The following GIMAP6 variants were observed in gnomAD, a reference collection of about 807,000 sequenced individuals.
The protein encoded by GIMAP6 is GTPase IMAP family member 6.
In GIMAP6, 6 loss-of-function variants were observed where a neutral mutation model predicts 9.3. The ratio of observed to expected loss-of-function variants is 0.65; its 90% CI spans 0.35 to 1.27. The LOEUF (loss-of-function observed/expected upper bound fraction) is 1.27, where lower values mean the gene tolerates loss of function less well. GIMAP6 is among the 50% of genes most tolerant of loss of function. The pLI is 0.03. For synonymous variants in GIMAP6, 156 were observed against 151.1 expected (o/e 1.03, Z -0.24); for missense variants, 333 against 359.5 (o/e 0.93, Z 0.60).
At chr7:150,630,545 T>C (rs1422369750) in intron 1 of GIMAP6, among the ~76,000 whole-genome samples, 3 of 152,122 alleles carry the variant, frequency 2.0e-5, no homozygotes, top group African/African-American at 7.2e-5. Context: ...GCAGGTGTGA[T>C]TCTGATCCTG....
rs752774522 is a variant in GIMAP6 at position 150,627,639 on chromosome 7, G to A, written c.*80C>T. 6.4e-7 allele frequency: 1 copy of A among 1,559,538 alleles called. No individual in the cohort carries two copies. Among genetic ancestry groups the A allele is most frequent in the Admixed American group, 1.7e-5 (1 of 59,844 alleles). On this transcript the variant is annotated 3_prime_UTR_variant, in exon 3 of 3. Transcript: ENST00000328902. ...ACCTGGAGACTGGGAAGCACTCCAT[G>A]GGATGGAAAGAGAAACAGAGGGCTG...
At chr7:150,629,934 G>A in intron 2 of GIMAP6, 124 bp downstream of exon 2, 1 of 713,888 alleles carries the variant, frequency 1.4e-6, no homozygotes, top group Non-Finnish European at 2.4e-6. Context: ...TGGTGGCTGA[G>A]GCGGGTAAAT....
Position 150,628,007 on chromosome 7 carries a change from G to C in GIMAP6, c.591C>G (p.Cys197Trp). The C allele has an allele frequency of 1.2e-6, 2 of 1,614,234 alleles. No individual in the cohort carries two copies. The highest frequency in any genetic ancestry group is 1.7e-6 in the Non-Finnish European group (2 of 1,180,038). The change falls in exon 3 of 3, where the codon TGC becomes TGG. Residue 197 changes from cysteine to tryptophan, a missense_variant. By Grantham distance (215) the Cys-to-Trp change is radical (BLOSUM62 -2). Transcript: ENST00000328902. ...CCCCCTGTGCCCTGTTGTTGAAGCC[G>C]CAATGGCGCCGTGCAAGGGTCACAT... ...WLDVTLARRHCGFNNRAQGEE... is the reference protein window; with the variant it reads ...WLDVTLARRHWGFNNRAQGEE...
rs1439657946 is a variant in GIMAP6 at position 150,625,473 on chromosome 7, T to C, written c.*2246A>G. On this transcript the variant is annotated 3_prime_UTR_variant, in exon 3 of 3. Coordinates refer to ENST00000328902, the MANE Select transcript of GIMAP6 (RefSeq NM_024711.6). Reference sequence around the variant, plus strand: ...CTCATTTGGTCAAATGCTTGTGTTTTCTATTATGACATTACTTAAGCTAAT... The same window carrying C: ...CTCATTTGGTCAAATGCTTGTGTTTCCTATTATGACATTACTTAAGCTAAT... The C allele has an allele frequency of 6.6e-6, 1 of 152,226 alleles. No individual in the cohort carries two copies. Among genetic ancestry groups the C allele is most frequent in the Non-Finnish European group, 1.5e-5 (1 of 68,030 alleles). The allele number at this position is 152,226 out of a possible 1,614,324, so 9.4% of individuals were successfully genotyped here.
Position 150,627,919 on chromosome 7 carries a change from C to G in GIMAP6, c.679G>C (p.Glu227Gln). The G allele has an allele frequency of 6.2e-7, 1 of 1,614,246 alleles. No individual in the cohort carries two copies. Among genetic ancestry groups the G allele is most frequent in the Non-Finnish European group, 8.5e-7 (1 of 1,180,032 alleles). ...GCCTTGTTGCTGTAATAATCTCCTT[C>G]GTTTTCCCACATAATGGCTTCAACT... is the stretch of plus-strand genomic sequence containing the variant. ...EKVEAIMWEN[E>Q]GDYYSNKAYQ... The change falls in exon 3 of 3, where the codon GAA (glutamate) becomes CAA (glutamine). Residue 227 changes from glutamate to glutamine, a missense_variant. Glu to Gln is a conservative substitution (Grantham distance 29). Transcript: ENST00000328902.
rs769995109 is a variant in GIMAP6 at position 150,627,707 on chromosome 7, T to C, written c.*12A>G. On this transcript the variant is annotated 3_prime_UTR_variant, in exon 3 of 3. Coordinates refer to ENST00000328902, the MANE Select transcript of GIMAP6 (RefSeq NM_024711.6). ...AGGCTGATGGTGTCCTTGGCTCAAG[T>C]CCAGCACAGGCTCAAAGGTCAGCCT... The C allele has an allele frequency of 6.2e-7, 1 of 1,612,520 alleles. No homozygotes were observed. The highest frequency in any genetic ancestry group is 2.2e-5 in the East Asian group (1 of 44,858).
chr7:150,625,402 T>C lies in GIMAP6; in HGVS notation c.*2317A>G. 1 of 152,212 alleles carries C rather than the reference T, an allele frequency of 6.6e-6. No individual in the cohort carries two copies. Among genetic ancestry groups the C allele is most frequent in the East Asian group, 1.9e-4 (1 of 5,200 alleles). 9.4% of individuals were successfully genotyped at this position (152,212 alleles called of 1,614,324 possible). On this transcript the variant is annotated 3_prime_UTR_variant, in exon 3 of 3. Transcript: ENST00000328902. Reference sequence around the variant, plus strand: ...TGAGGTAAATAAAAACAACATTTAATGAATGACATGTTTTGAGTGCCTTGC... The same window carrying C: ...TGAGGTAAATAAAAACAACATTTAACGAATGACATGTTTTGAGTGCCTTGC...
chr7:150,631,941 G>A (rs1488394024), intron 1 of GIMAP6, among the ~76,000 whole-genome samples: 1 of 151,458 alleles, frequency 6.6e-6, no homozygotes, highest in Non-Finnish European at 1.5e-5. Context: ...CAAAACACAT[G>A]TACCACTCAC....
Position 150,628,496 on chromosome 7 carries a change from T to C in GIMAP6, c.102A>G (p.Glu34=). ...GCCTCAGTCTCCTTGGGGTCTTCTG[T>C]TCTTTCTCCCTTAGACCTAGAAATA... ...LELSGGLREK[E]QKTPRRLRLI... is the part of the protein sequence containing the mutation. The change falls in exon 3 of 3, where the codon GAA becomes GAG. Residue 34 remains glutamate (E), a synonymous_variant. Transcript: ENST00000328902. 6.2e-7 allele frequency: 1 copy of C among 1,613,882 alleles called. No individual in the cohort carries two copies. Among genetic ancestry groups the C allele is most frequent in the Non-Finnish European group, 8.5e-7 (1 of 1,180,040 alleles).
Position 150,628,011 on chromosome 7 carries a change from T to G in GIMAP6, c.587A>C (p.His196Pro), listed in dbSNP as rs1563336122. The G allele has an allele frequency of 6.2e-7, 1 of 1,614,256 alleles. No homozygotes were observed. The highest frequency in any genetic ancestry group is 8.5e-7 in the Non-Finnish European group (1 of 1,180,042). ...AWLDVTLARR[H>P]CGFNNRAQGE... ...CTGTGCCCTGTTGTTGAAGCCGCAA[T>G]GGCGCCGTGCAAGGGTCACATCCAG... The change falls in exon 3 of 3, where the codon CAT (histidine) becomes CCT (proline). Residue 196 changes from histidine to proline, a missense_variant. Transcript: ENST00000328902.
chr7:150,631,604 A>G (rs1186473418), intron 1 of GIMAP6, among the ~76,000 whole-genome samples: 1 of 152,136 alleles, frequency 6.6e-6, no homozygotes, highest in Non-Finnish European at 1.5e-5. Context: ...GCATGCAGGA[A>G]CCTGCACTGT....
At chr7:150,630,821 C>G (rs1347393151) in intron 1 of GIMAP6, among the ~76,000 whole-genome samples, 3 of 152,246 alleles carry the variant, frequency 2.0e-5, no homozygotes, top group African/African-American at 7.2e-5. Context: ...CTGTGAATGT[C>G]TCTTCCCCTA....
rs1018367994 is a variant in GIMAP6 at position 150,627,504 on chromosome 7, G to A, written c.*215C>T. On this transcript the variant is annotated 3_prime_UTR_variant, in exon 3 of 3. Coordinates refer to ENST00000328902, the MANE Select transcript of GIMAP6 (RefSeq NM_024711.6). Reference sequence around the variant, plus strand: ...CAGCGTGCTGTTGGGGCACAGAGGAGGGAGGACCCAGATGTTCTGGAAGAA... The same window carrying A: ...CAGCGTGCTGTTGGGGCACAGAGGAAGGAGGACCCAGATGTTCTGGAAGAA... The A allele has an allele frequency of 1.8e-5, 11 of 613,818 alleles. No individual in the cohort carries two copies. The highest frequency in any genetic ancestry group is 2.6e-5 in the Non-Finnish European group (9 of 346,334). The allele number at this position is 613,818 out of a possible 1,614,324, so 38.0% of individuals were successfully genotyped here. A position where few individuals can be genotyped will look rare whatever the true frequency, so the allele number is the denominator to read the frequency against.
At chr7:150,629,242 A>G (rs1286001704) in intron 2 of GIMAP6, among the ~76,000 whole-genome samples, 1 of 152,188 alleles carries the variant, frequency 6.6e-6, no homozygotes, top group Non-Finnish European at 1.5e-5. Flanking sequence ...CAAATGCATC[A>G]CTTGAGCTCT....
Position 150,628,366 on chromosome 7 carries a change from T to C in GIMAP6, c.232A>G (p.Thr78Ala), listed in dbSNP as rs144748380. 0.011 allele frequency: 18,196 copies of C among 1,613,918 alleles called. 129 individuals are homozygous for C. Among genetic ancestry groups the C allele is most frequent in the Middle Eastern group, 0.02 (120 of 6,062 alleles). Residue 78 changes from threonine to alanine, a missense_variant, in exon 3 of 3, where the codon ACC (threonine) becomes GCC (alanine). Physicochemically the swap from Thr to Ala is moderately conservative, Grantham distance 58. Coordinates refer to ENST00000328902, the MANE Select transcript of GIMAP6 (RefSeq NM_024711.6). Reference protein sequence around the residue: ...SKLSTRPVTKTSQRRSREWAG... With the variant: ...SKLSTRPVTKASQRRSREWAG... The stretch of plus-strand genomic sequence containing the variant: ...CACTCTCGGCTCCGTCTCTGGGAGG[T>C]CTTGGTCACGGGTCTGGTGCTGAGT...
In GIMAP6 at chr7:150,627,417, CAG is replaced by C. The variant is rs1400272737; in HGVS notation, c.*300_*301del. 6.8e-6 allele frequency: 3 copies of C among 441,470 alleles called. No individual in the cohort carries two copies. Among genetic ancestry groups the C allele is most frequent in the Non-Finnish European group, 1.2e-5 (3 of 243,904 alleles). The allele number at this position is 441,470 out of a possible 1,614,324, so 27.3% of individuals were successfully genotyped here. A position where few individuals can be genotyped will look rare whatever the true frequency, so the allele number is the denominator to read the frequency against. On this transcript the variant is annotated 3_prime_UTR_variant, in exon 3 of 3. Transcript: ENST00000328902. ...TGCCCTCAAGAAACTTTGGTTCTAT[CAG>C]AGTATAGACAAGTAACTCATGAAAG...
Position 150,630,144 on chromosome 7 carries a change from T to TCC in GIMAP6, c.1-3_1-2insGG. On this transcript the variant is annotated splice_polypyrimidine_tract_variant and splice_region_variant and intron_variant, in intron 1 of 2. Transcript: ENST00000328902. Reference sequence around the variant, plus strand: ...TTGTTCATATTCTTCTTCCTCCATCTACAAAAAAAAAAAAAAAAAAAAAAT... The same window carrying TCC: ...TTGTTCATATTCTTCTTCCTCCATCTCCACAAAAAAAAAAAAAAAAAAAAAAT... The TCC allele has an allele frequency of 1.2e-6, 1 of 855,418 alleles. No homozygotes were observed. Among genetic ancestry groups the TCC allele is most frequent in the South Asian group, 2.6e-5 (1 of 39,038 alleles). 53.0% of individuals were successfully genotyped at this position (855,418 alleles called of 1,614,324 possible).
Position 150,628,051 on chromosome 7 carries a change from G to A in GIMAP6, c.547C>T (p.Gln183Ter), listed in dbSNP as rs1328034407. 5.0e-6 allele frequency: 8 copies of A among 1,614,098 alleles called. No homozygotes were observed. Among genetic ancestry groups the A allele is most frequent in the African/African-American group, 1.3e-5 (1 of 74,956 alleles). ...GTCACATCCAGCCAGGCAAGGGCCTGGTTGTTGGTCTCTCGCACATAGTCT... is the reference window on the plus strand; with the variant it reads ...GTCACATCCAGCCAGGCAAGGGCCTAGTTGTTGGTCTCTCGCACATAGTCT... ...LEDYVRETNN[Q>*]ALAWLDVTLA... Residue 183 changes from glutamine to a stop codon, truncating the protein, a stop_gained, in exon 3 of 3, where the codon CAG becomes TAG. Coordinates refer to ENST00000328902, the MANE Select transcript of GIMAP6 (RefSeq NM_024711.6). LOFTEE classifies it low-confidence loss of function (END_TRUNC).
chr7:150,630,214 C>T, intron 1 of GIMAP6, 72 bp from the exon 2 acceptor site: 5 of 1,229,842 alleles, frequency 4.1e-6, no homozygotes, highest in Middle Eastern at 2.6e-4. Flanking sequence ...CAGCCACCTG[C>T]CTTTCGCCTT....
Sources: allele counts gnomAD v4.1 joint callset (sites outside exome capture counted in the v4.1 genomes callset), GRCh38; gene constraint gnomAD v4.1.1; transcripts MANE v1.5; gene names NCBI Gene and HGNC (gene_info 2026-07-23, HGNC 2026-07-21).